Variants in SGCZ observed in about 807,000 individuals in gnomAD.
SGCZ encodes sarcoglycan zeta, also known as zeta-sarcoglycan.
SGCZ carries 40 observed loss-of-function variants against 41.3 expected under a neutral mutation model. That is an observed-to-expected ratio of 0.97 (90% CI 0.75 to 1.26). The LOEUF (loss-of-function observed/expected upper bound fraction) is 1.26, where lower values mean the gene tolerates loss of function less well. SGCZ is among the 50% of genes most tolerant of loss of function. The probability of loss-of-function intolerance (pLI) is 0.00; values close to 1 mark genes in which losing one functional copy is unlikely to be tolerated. For missense variants in SGCZ, 552 were observed against 369.8 expected (o/e 1.49, Z -4.04); for synonymous variants, 206 against 137.5 (o/e 1.50, Z -3.49).
At chr8:14,940,109 AC>A (rs1800221201) in intron 1 of SGCZ, among the ~76,000 whole-genome samples, 1 of 152,106 alleles carries the variant, frequency 6.6e-6, no homozygotes, top group Non-Finnish European at 1.5e-5. Context: ...TTCCTTTTGA[AC>A]CCATCTATCC....
chr8:14,709,297 G>A (rs17120120), intron 1 of SGCZ, among the ~76,000 whole-genome samples: 31 of 152,196 alleles, frequency 2.0e-4, no homozygotes, highest in African/African-American at 4.6e-4. Flanking sequence ...AATGTCTTGC[G>A]TGTGTAACTA....
chr8:14,793,311 T>C (rs1801017648), intron 1 of SGCZ, among the ~76,000 whole-genome samples: 1 of 152,308 alleles, frequency 6.6e-6, no homozygotes, highest in African/African-American at 2.4e-5. Context: ...TCCTGCCTTT[T>C]ATAATCCAAT....
chr8:14,231,243 GAGAGAGACAC>G (rs1806560574), intron 4 of SGCZ, among the ~76,000 whole-genome samples: 1 of 151,146 alleles, frequency 6.6e-6, no homozygotes, highest in Non-Finnish European at 1.5e-5. Context: ...GAGAGAGAGA[GAGAGAGACAC>G]AGAGAGAGAG....
At chr8:14,336,911 G>A (rs532101258) in intron 2 of SGCZ, among the ~76,000 whole-genome samples, 1 of 152,048 alleles carries the variant, frequency 6.6e-6, no homozygotes, top group Admixed American at 6.6e-5. Context: ...CCTCATAATG[G>A]ACCAGTCACC....
intron 1 of SGCZ, among the ~76,000 whole-genome samples, chr8:15,148,127 T>C (rs977562711): frequency 1.3e-5 from 2 of 152,214 alleles, no homozygotes; most frequent in African/African-American, 2.4e-5. Flanking sequence ...GAATATGTGA[T>C]AAAATTAGTT....
chr8:14,772,595 C>T (rs1800279655), intron 1 of SGCZ, among the ~76,000 whole-genome samples: 1 of 119,310 alleles, frequency 8.4e-6, no homozygotes, highest in African/African-American at 3.3e-5. Context: ...CACCCCACAA[C>T]AATCCCCAGA....
At chr8:15,221,035 G>T (rs1462719681) in intron 1 of SGCZ, among the ~76,000 whole-genome samples, 2 of 152,150 alleles carry the variant, frequency 1.3e-5, no homozygotes, top group South Asian at 4.2e-4. Flanking sequence ...TAGGGGGAGG[G>T]ATAGCATTAG....
At chr8:14,321,532 T>C (rs1801918313) in intron 3 of SGCZ, among the ~76,000 whole-genome samples, 2 of 133,354 alleles carry the variant, frequency 1.5e-5, no homozygotes, top group African/African-American at 5.0e-5. Context: ...TAAAGGCCTG[T>C]ACAACCACAA....
At chr8:14,893,497 A>G (rs1024437239) in intron 1 of SGCZ, among the ~76,000 whole-genome samples, 2 of 152,212 alleles carry the variant, frequency 1.3e-5, no homozygotes, top group Non-Finnish European at 2.9e-5. Flanking sequence ...AAAAGTGACA[A>G]ATTGGATTTC....
At chr8:14,383,344 T>C (rs1023475802) in intron 2 of SGCZ, among the ~76,000 whole-genome samples, 3 of 152,242 alleles carry the variant, frequency 2.0e-5, no homozygotes, top group African/African-American at 7.2e-5. Flanking sequence ...ATGCTGATTT[T>C]ATCACTACTT....
intron 1 of SGCZ, among the ~76,000 whole-genome samples, chr8:14,823,880 G>T (rs1373256271): frequency 6.6e-6 from 1 of 152,002 alleles, no homozygotes; most frequent in African/African-American, 2.4e-5. Context: ...GATAGACAAT[G>T]GTATATGATT....
intron 1 of SGCZ, among the ~76,000 whole-genome samples, chr8:14,795,342 C>T (rs1801088029): frequency 6.6e-6 from 1 of 152,104 alleles, no homozygotes; most frequent in Non-Finnish European, 1.5e-5. Flanking sequence ...AGATGACACC[C>T]ATAATTCACT....
intron 1 of SGCZ, among the ~76,000 whole-genome samples, chr8:15,010,175 G>A (rs1310274496): frequency 6.6e-6 from 1 of 152,058 alleles, no homozygotes; most frequent in Non-Finnish European, 1.5e-5. Flanking sequence ...CTACATGAGA[G>A]AACACAAACT....
chr8:14,598,648 C>G (rs1314940575), intron 1 of SGCZ, among the ~76,000 whole-genome samples: 1 of 151,948 alleles, frequency 6.6e-6, no homozygotes, highest in Non-Finnish European at 1.5e-5. Flanking sequence ...CCACTTGAGT[C>G]TCCCAAATAA....
At chr8:14,662,665 A>G (rs1410058390) in intron 1 of SGCZ, among the ~76,000 whole-genome samples, 2 of 152,186 alleles carry the variant, frequency 1.3e-5, no homozygotes, top group Admixed American at 1.3e-4. Context: ...TGAATTTATT[A>G]CATTAGAGGA....
intron 1 of SGCZ, among the ~76,000 whole-genome samples, chr8:15,224,749 A>G (rs751438727): frequency 3.3e-5 from 5 of 152,174 alleles, no homozygotes; most frequent in Admixed American, 3.3e-4. Context: ...ACTTATGAGA[A>G]AAACTAGCCA....
chr8:15,172,387 C>A (rs1356934119), intron 1 of SGCZ, among the ~76,000 whole-genome samples: 1 of 151,228 alleles, frequency 6.6e-6, no homozygotes, highest in Non-Finnish European at 1.5e-5. Context: ...GTCTCGATCT[C>A]CTGACCTCGT....
At chr8:14,614,325 A>G (rs965206230) in intron 1 of SGCZ, among the ~76,000 whole-genome samples, 2 of 152,172 alleles carry the variant, frequency 1.3e-5, no homozygotes, top group Non-Finnish European at 2.9e-5. Context: ...AATTACAGTA[A>G]TGAATATAAT....
In SGCZ at chr8:14,086,082, C is replaced by T. The variant is rs1801514987; in HGVS notation, c.*4361G>A. Among the ~76,000 whole-genome samples the T allele has an allele frequency of 6.6e-6, 1 of 151,626 alleles. No homozygotes were observed. Among genetic ancestry groups the T allele is most frequent in the South Asian group, 2.1e-4 (1 of 4,828 alleles). Reference sequence around the variant, plus strand: ...TTGTAGTGTTCATTACTGTAATATACACCAGTACATAGAGCAAATAATTTC... The same window carrying T: ...TTGTAGTGTTCATTACTGTAATATATACCAGTACATAGAGCAAATAATTTC... On this transcript the variant is annotated 3_prime_UTR_variant, in exon 8 of 8. Transcript: ENST00000382080.
Sources: allele counts gnomAD v4.1 joint callset (sites outside exome capture counted in the v4.1 genomes callset), GRCh38; gene constraint gnomAD v4.1.1; transcripts MANE v1.5; gene names NCBI Gene and HGNC (gene_info 2026-07-23, HGNC 2026-07-21).